The following DNAJC8 variants were observed in gnomAD, a reference collection of about 807,000 sequenced individuals.
The protein encoded by DNAJC8 is DnaJ heat shock protein family (Hsp40) member C8.
In DNAJC8, 24 loss-of-function variants were observed where a neutral mutation model predicts 43.2. The ratio of observed to expected loss-of-function variants is 0.56; its 90% CI spans 0.40 to 0.78. The LOEUF (loss-of-function observed/expected upper bound fraction) is 0.78, where lower values mean the gene tolerates loss of function less well. DNAJC8 is among the 30% of genes least tolerant of loss of function. The pLI, the probability that DNAJC8 is intolerant of heterozygous loss-of-function variation, is 0.00. For missense variants in DNAJC8, 207 were observed against 299.4 expected (o/e 0.69, Z 2.28); for synonymous variants, 83 against 98.0 (o/e 0.85, Z 0.90).
intron 2 of DNAJC8, 109 bp from the exon 3 acceptor site, chr1:28,215,105 C>A: frequency 3.5e-6 from 3 of 848,484 alleles, no homozygotes; most frequent in Non-Finnish European, 5.3e-6. Flanking sequence ...GAATAGTACC[C>A]CATGTTCTAG....
intron 8 of DNAJC8, 85 bp from the exon 9 acceptor site, chr1:28,201,455 G>GTA: frequency 6.3e-7 from 1 of 1,585,702 alleles, no homozygotes; most frequent in South Asian, 1.1e-5. Flanking sequence ...TCACCCTCCT[G>GTA]TAGCCCAGCC....
intron 3 of DNAJC8, 62 bp from the exon 4 acceptor site, chr1:28,210,699 C>G (rs1239449634): frequency 7.2e-7 from 1 of 1,383,404 alleles, no homozygotes; most frequent in African/African-American, 1.4e-5. Context: ...TCCAGCCTGC[C>G]CTGTCTCGTT....
intron 2 of DNAJC8, among the ~76,000 whole-genome samples, chr1:28,228,117 G>A (rs1646949549): frequency 6.6e-6 from 1 of 152,064 alleles, no homozygotes; most frequent in South Asian, 2.1e-4. Context: ...TTGGGAGGCT[G>A]AGGCGGGTGG....
At chr1:28,216,972 C>G (rs993782703) in intron 2 of DNAJC8, among the ~76,000 whole-genome samples, 1 of 151,744 alleles carries the variant, frequency 6.6e-6, no homozygotes, top group Non-Finnish European at 1.5e-5. Context: ...CCACGCCCGG[C>G]TCATTTTGTA....
chr1:28,230,862 C>A (rs145771344), intron 1 of DNAJC8, among the ~76,000 whole-genome samples: 1 of 152,162 alleles, frequency 6.6e-6, no homozygotes, highest in Admixed American at 6.6e-5. Flanking sequence ...AGTACTGTTA[C>A]AATTGCAAGA....
intron 2 of DNAJC8, among the ~76,000 whole-genome samples, chr1:28,215,681 GCACGTGC>G (rs1407994584): frequency 1.3e-5 from 2 of 151,732 alleles, no homozygotes; most frequent in African/African-American, 4.8e-5. Flanking sequence ...GGGATTACAG[GCACGTGC>G]CACCACACCT....
At chr1:28,226,930 A>G (rs1229009665) in intron 2 of DNAJC8, among the ~76,000 whole-genome samples, 1 of 151,036 alleles carries the variant, frequency 6.6e-6, no homozygotes, top group Non-Finnish European at 1.5e-5. Context: ...TCATCTTCAT[A>G]TAGCCTTATA....
chr1:28,212,168 A>AATAAAAAAATATATAT (rs35950985), intron 3 of DNAJC8, among the ~76,000 whole-genome samples: 2 of 31,022 alleles, frequency 6.4e-5, no homozygotes. Flanking sequence ...TAAATAAATA[A>AATAAAAAAATATATAT]ATATATATAT....
Position 28,219,885 on chromosome 1 carries a change from C to T in DNAJC8, c.181-4889G>A, listed in dbSNP as rs371586623. 5.6e-4 allele frequency among the ~76,000 whole-genome samples: 85 copies of T among 152,270 alleles called. 4 individuals are homozygous for T. In the East Asian group the frequency reaches 5.8e-3, roughly 10 times the overall value. On this transcript the variant is annotated intron_variant, in intron 2 of 8. Transcript: ENST00000263697. ...AGAGATGGGGTTTCACCATGTTGGC[C>T]AGGCTGGTCTCAAACTCCTGAACTC...
chr1:28,222,485 C>CAAA (rs35878807), intron 2 of DNAJC8, among the ~76,000 whole-genome samples: 37 of 44,544 alleles, frequency 8.3e-4, no homozygotes, highest in African/African-American at 1.7e-3. Flanking sequence ...GACTCCATCT[C>CAAA]AAAAAAAAAA....
chr1:28,212,829 C>T (rs960385747), intron 3 of DNAJC8, among the ~76,000 whole-genome samples: 2 of 152,132 alleles, frequency 1.3e-5, no homozygotes, highest in South Asian at 2.1e-4. Flanking sequence ...TATGAGACCT[C>T]GAGCAAATCA....
chr1:28,221,131 A>G (rs1646895479), intron 2 of DNAJC8, among the ~76,000 whole-genome samples: 1 of 151,880 alleles, frequency 6.6e-6, no homozygotes, highest in Non-Finnish European at 1.5e-5. Context: ...CGAGGTCAGG[A>G]GATCGAGACC....
intron 2 of DNAJC8, among the ~76,000 whole-genome samples, chr1:28,227,361 T>C (rs1387238419): frequency 1.4e-5 from 2 of 146,706 alleles, no homozygotes; most frequent in African/African-American, 5.1e-5. Flanking sequence ...TGAGCCAAGA[T>C]TGCACCATTA....
intron 5 of DNAJC8, among the ~76,000 whole-genome samples, chr1:28,209,657 G>A (rs1050365942): frequency 6.6e-6 from 1 of 152,184 alleles, no homozygotes; most frequent in Admixed American, 6.5e-5. Context: ...GCTGCTCCAC[G>A]TTTCCACTCT....
At chr1:28,201,457 A>G (rs1377941093) in intron 8 of DNAJC8, 87 bp from the exon 9 acceptor site, 48 of 1,580,556 alleles carry the variant, frequency 3.0e-5, no homozygotes, top group Non-Finnish European at 3.8e-5. Flanking sequence ...ACCCTCCTGT[A>G]GCCCAGCCCA....
At chr1:28,228,143 G>A (rs1428922054) in intron 2 of DNAJC8, among the ~76,000 whole-genome samples, 1 of 152,082 alleles carries the variant, frequency 6.6e-6, no homozygotes, top group East Asian at 1.9e-4. Flanking sequence ...AAGGTCAGGA[G>A]TTCGAGACCA....
At chr1:28,213,931 G>A (rs925770735) in intron 3 of DNAJC8, among the ~76,000 whole-genome samples, 1 of 152,066 alleles carries the variant, frequency 6.6e-6, no homozygotes, top group Non-Finnish European at 1.5e-5. Flanking sequence ...AGGGAGGATT[G>A]CTTAAACTCA....
chr1:28,230,350 T>C (rs1038682901), intron 1 of DNAJC8: 3 of 152,310 alleles, frequency 2.0e-5, no homozygotes, highest in African/African-American at 7.2e-5. Context: ...GGATTTTTTT[T>C]CTCTCTTGTT....
intron 3 of DNAJC8, among the ~76,000 whole-genome samples, chr1:28,213,746 G>A (rs1361061756): frequency 4.6e-5 from 7 of 152,182 alleles, no homozygotes; most frequent in Admixed American, 6.5e-5. Flanking sequence ...AGCCAGGCAC[G>A]GTGGCTCATG....
Sources: allele counts gnomAD v4.1 joint callset (sites outside exome capture counted in the v4.1 genomes callset), GRCh38; gene constraint gnomAD v4.1.1; transcripts MANE v1.5; gene names NCBI Gene and HGNC (gene_info 2026-07-23, HGNC 2026-07-21).